Variants in AP5Z1 observed in about 807,000 individuals in gnomAD.
AP5Z1 encodes the protein adaptor related protein complex 5 subunit zeta 1, also known as AP-5 complex subunit zeta-1.
Under a neutral mutation model 83.0 loss-of-function variants are expected in AP5Z1, and 106 were observed. The ratio of observed to expected loss-of-function variants is 1.28; its 90% CI spans 1.09 to 1.50. The LOEUF (loss-of-function observed/expected upper bound fraction) is 1.50. Ranked by LOEUF, AP5Z1 falls within the 40% of genes most tolerant of loss-of-function variation. AP5Z1 has a pLI of 0.00. For synonymous variants in AP5Z1, 751 were observed against 514.1 expected (o/e 1.46, Z -6.23); for missense variants, 1,565 against 1,094.2 (o/e 1.43, Z -6.07).
intron 1 of AP5Z1, among the ~76,000 whole-genome samples, chr7:4,776,938 C>G (rs1259634099): frequency 6.6e-6 from 1 of 152,070 alleles, no homozygotes; most frequent in Non-Finnish European, 1.5e-5. Flanking sequence ...ACAAGCAAAC[C>G]TGGACTCAGA....
chr7:4,780,125 A>G (rs1014532009), intron 1 of AP5Z1, among the ~76,000 whole-genome samples: 4 of 152,144 alleles, frequency 2.6e-5, no homozygotes, highest in Admixed American at 2.6e-4. Flanking sequence ...CCCCTGGCAC[A>G]GCAACCCCTT....
In AP5Z1 at chr7:4,790,504, C is replaced by G. The variant is rs374907641; in HGVS notation, c.1851C>G (p.Ser617=). 20 of 1,613,032 alleles carry G rather than the reference C, an allele frequency of 1.2e-5. No homozygotes were observed. Among genetic ancestry groups the G allele is most frequent in the Non-Finnish European group, 1.4e-5 (16 of 1,179,866 alleles). The part of the protein sequence containing the change: ...QFLALCTLKP[S]LVVELARDLL... ...TGGCCCTGTGTACGCTGAAACCCTC[C>G]CTGGTGGTGGAGCTGGCAAGAGACC... The change falls in exon 15 of 17, where the codon TCC becomes TCG. Residue 617 remains serine (S), a synonymous_variant. Transcript: ENST00000649063.
At chr7:4,777,121 C>G (rs1354289151) in intron 1 of AP5Z1, among the ~76,000 whole-genome samples, 1 of 152,200 alleles carries the variant, frequency 6.6e-6, no homozygotes, top group African/African-American at 2.4e-5. Context: ...GCAGCACCAT[C>G]TCCCAGCAGC....
chr7:4,787,317 CTCT>C (rs2115117454), intron 10 of AP5Z1, among the ~76,000 whole-genome samples: 1 of 152,044 alleles, frequency 6.6e-6, no homozygotes, highest in South Asian at 2.1e-4. Context: ...ACAGGGAGAC[CTCT>C]TGTCTACAAA....
chr7:4,780,129 A>G (rs7781254), intron 1 of AP5Z1, among the ~76,000 whole-genome samples: 9,598 of 152,116 alleles, frequency 0.063, 388 homozygotes, highest in African/African-American at 0.11. Context: ...TGGCACAGCA[A>G]CCCCTTTGCG....
intron 12 of AP5Z1, 108 bp from the exon 13 acceptor site, chr7:4,788,732 G>A: frequency 5.1e-6 from 5 of 984,570 alleles, no homozygotes; most frequent in East Asian, 2.7e-5. Flanking sequence ...GATGAGTGAG[G>A]ATGGGAGCGG....
At position 4,790,846 on chromosome 7, in the gene AP5Z1, G is replaced by A. The variant is rs765844025; in HGVS notation, c.2112G>A (p.Thr704=). ...PPQVVTVLMT[T]LTKLASRSQD... The stretch of plus-strand genomic sequence containing the variant: ...AGGTGGTCACCGTGCTGATGACCAC[G>A]CTGACGAAGCTGGCCTCCCGGAGCC... The change falls in exon 16 of 17, where the codon ACG becomes ACA. Residue 704 remains threonine (T), a synonymous_variant. Coordinates refer to ENST00000649063, the MANE Select transcript of AP5Z1 (RefSeq NM_014855.3). 69 of 1,608,106 alleles carry A rather than the reference G, an allele frequency of 4.3e-5. No homozygotes were observed. Among genetic ancestry groups the A allele is most frequent in the Non-Finnish European group, 5.5e-5 (65 of 1,178,338 alleles).
intron 14 of AP5Z1, 190 bp from the exon 15 acceptor site, chr7:4,790,269 C>A (rs896375442): frequency 1.3e-6 from 2 of 1,543,334 alleles, no homozygotes; most frequent in Non-Finnish European, 1.7e-6. Flanking sequence ...CTGAGGCCAG[C>A]GCTGGTGCCA....
In AP5Z1 at chr7:4,787,730, C is replaced by G. The variant is rs186154349; in HGVS notation, c.1408C>G (p.Leu470Val). ...AGTALEMLHALLDLPCLTAVL... is the reference protein window; with the variant it reads ...AGTALEMLHAVLDLPCLTAVL... ...CACAGCCCTGGAGATGCTGCACGCG[C>G]TGCTGGACCTGCCCTGCTTGACGGC... The change falls in exon 11 of 17, where the codon CTG becomes GTG. Residue 470 changes from leucine (L) to valine (V), a missense_variant. Coordinates refer to ENST00000649063, the MANE Select transcript of AP5Z1 (RefSeq NM_014855.3). 1.9e-6 allele frequency: 3 copies of G among 1,547,708 alleles called. No individual in the cohort carries two copies. The highest frequency in any genetic ancestry group is 2.6e-6 in the Non-Finnish European group (3 of 1,148,896).
At chr7:4,786,535 C>T in intron 10 of AP5Z1, 107 bp downstream of exon 10, 2 of 1,293,832 alleles carry the variant, frequency 1.5e-6, no homozygotes, top group Admixed American at 4.0e-5. Flanking sequence ...AGCATAGAGC[C>T]CTGTGAGTCC....
chr7:4,789,899 C>A lies in AP5Z1; in HGVS notation c.1775C>A (p.Pro592Gln), dbSNP rs781462204. ...CTGGGCAGGAGCGACTCGCTCTACCCGGCCCCAGGGTACGCTGCCGGTGTG... is the reference window on the plus strand; with the variant it reads ...CTGGGCAGGAGCGACTCGCTCTACCAGGCCCCAGGGTACGCTGCCGGTGTG... ...LLLGRSDSLYPAPGYAAGVHS... is the reference protein window; with the variant it reads ...LLLGRSDSLYQAPGYAAGVHS... Residue 592 changes from proline (P) to glutamine (Q), a missense_variant, in exon 14 of 17, where the codon CCG becomes CAG. Pro to Gln is a moderately conservative substitution (Grantham distance 76). Transcript: ENST00000649063. 1 of 1,550,614 alleles carries A rather than the reference C, an allele frequency of 6.4e-7. No homozygotes were observed. The highest frequency in any genetic ancestry group is 1.4e-5 in the African/African-American group (1 of 73,180).
Position 4,781,758 on chromosome 7 carries a change from G to A in AP5Z1, c.366+4G>A, listed in dbSNP as rs776790989. 85 of 1,550,210 alleles carry A rather than the reference G, an allele frequency of 5.5e-5. No individual in the cohort carries two copies. The highest frequency in any genetic ancestry group is 7.0e-5 in the Non-Finnish European group (80 of 1,139,470). On this transcript the variant is annotated splice_donor_region_variant and intron_variant, in intron 3 of 16. Transcript: ENST00000649063. ...GGCCTCCGTTCTCTTGGCCCAGGTAGCGCAGCAGTCACCACCCCAGTTGGC... is the reference window on the plus strand; with the variant it reads ...GGCCTCCGTTCTCTTGGCCCAGGTAACGCAGCAGTCACCACCCCAGTTGGC...
At chr7:4,788,054 G>A in intron 11 of AP5Z1, 100 bp from the exon 12 acceptor site, 1 of 1,431,952 alleles carries the variant, frequency 7.0e-7, no homozygotes, top group Non-Finnish European at 9.2e-7. Flanking sequence ...CACCCGAGGT[G>A]CTGTGATATT....
intron 14 of AP5Z1, chr7:4,790,247 CTG>C (rs774362468): frequency 3.2e-6 from 5 of 1,547,424 alleles, no homozygotes; most frequent in Non-Finnish European, 4.3e-6. Context: ...TGGTTCCACT[CTG>C]AGCCTGGGCC....
At position 4,789,912 on chromosome 7, in the gene AP5Z1, C is replaced by T. The variant is rs768113900; in HGVS notation, c.1788C>T (p.Tyr596=). 2.0e-4 allele frequency: 305 copies of T among 1,547,872 alleles called. 7 individuals are homozygous for T. In the South Asian group the frequency reaches 3.1e-3, roughly 16 times the overall value. The change falls in exon 14 of 17, where the codon TAC becomes TAT. Residue 596 remains tyrosine (Y), a synonymous_variant. Coordinates refer to ENST00000649063, the MANE Select transcript of AP5Z1 (RefSeq NM_014855.3). ...RSDSLYPAPG[Y]AAGVHSVLSS... ...ACTCGCTCTACCCGGCCCCAGGGTA[C>T]GCTGCCGGTGTGCACAGGTAGGTCC...
chr7:4,787,640 G>A lies in AP5Z1; in HGVS notation c.1318G>A (p.Ala440Thr). ...LSFPNLFKFL[A>T]WNSPPLTSEF... ...CGCTGTGCTGTGCCCACAGTTCCTG[G>A]CCTGGAACAGCCCACCCCTCACCTC... The change falls in exon 11 of 17, where the codon GCC (alanine) becomes ACC (threonine). Residue 440 changes from alanine (A) to threonine (T), a missense_variant. Physicochemically the swap from Ala to Thr is moderately conservative, Grantham distance 58. Transcript: ENST00000649063. The A allele has an allele frequency of 1.3e-6, 2 of 1,551,960 alleles. No individual in the cohort carries two copies. Among genetic ancestry groups the A allele is most frequent in the Non-Finnish European group, 1.7e-6 (2 of 1,148,402 alleles).
Position 4,790,501 on chromosome 7 carries a change from C to T in AP5Z1, c.1848C>T (p.Pro616=), listed in dbSNP as rs1166629347. The change falls in exon 15 of 17, where the codon CCC becomes CCT. Residue 616 remains proline (P), a synonymous_variant. Transcript: ENST00000649063. ...SQFLALCTLK[P]SLVVELARDL... Reference sequence around the variant, plus strand: ...TCCTGGCCCTGTGTACGCTGAAACCCTCCCTGGTGGTGGAGCTGGCAAGAG... The same window carrying T: ...TCCTGGCCCTGTGTACGCTGAAACCTTCCCTGGTGGTGGAGCTGGCAAGAG... 6.2e-7 allele frequency: 1 copy of T among 1,613,206 alleles called. No homozygotes were observed.
chr7:4,783,473 C>T lies in AP5Z1; in HGVS notation c.511+13C>T. 1 of 1,609,168 alleles carries T rather than the reference C, an allele frequency of 6.2e-7. No homozygotes were observed. Among genetic ancestry groups the T allele is most frequent in the Admixed American group, 1.7e-5 (1 of 59,814 alleles). ...ACCCTCCAGGAGGGTACGCGGGGCC[C>T]CTCCCAAGAGGCTGTTGGGGGTCTG... On this transcript the variant is annotated intron_variant, in intron 4 of 16. Coordinates refer to ENST00000649063, the MANE Select transcript of AP5Z1 (RefSeq NM_014855.3).
intron 1 of AP5Z1, among the ~76,000 whole-genome samples, chr7:4,779,538 A>G (rs914709264): frequency 1.3e-5 from 2 of 151,238 alleles, no homozygotes; most frequent in African/African-American, 2.4e-5. Context: ...CAGTGGCACA[A>G]TCTCAGCTCA....
Sources: gnomAD v4.1 joint callset for allele counts (sites outside exome capture counted in the v4.1 genomes callset) on GRCh38, gnomAD v4.1.1 for gene constraint, MANE v1.5 for transcripts, NCBI Gene and HGNC (gene_info 2026-07-23, HGNC 2026-07-21) for gene names.